The following MYH15 variants were observed in gnomAD, a reference collection of about 807,000 sequenced individuals.
MYH15 encodes myosin-15.
In MYH15, 227 loss-of-function variants were observed where a neutral mutation model predicts 240.5. The observed-to-expected ratio is 0.94, with a 90% confidence interval of 0.85 to 1.05. The LOEUF (loss-of-function observed/expected upper bound fraction) is 1.05, where lower values mean the gene tolerates loss of function less well. Ranked by LOEUF, MYH15 falls within the 50% of genes least tolerant of loss-of-function variation. MYH15 has a pLI of 0.00. For missense variants in MYH15, 2,217 were observed against 2,247.5 expected, an observed-to-expected ratio of 0.99 and a Z score of 0.27; for synonymous variants, 785 against 796.7, an observed-to-expected ratio of 0.99 and a Z score of 0.25.
chr3:108,434,652 T>A (rs1010828339), intron 25 of MYH15, among the ~76,000 whole-genome samples: 1 of 152,198 alleles, frequency 6.6e-6, no homozygotes. Flanking sequence ...TAGACATTCC[T>A]TAGTTTGAAT....
At position 108,444,650 on chromosome 3, in the gene MYH15, T is replaced by C. The variant is rs757020043; in HGVS notation, c.2645A>G (p.Gln882Arg). ...GGTGGGGCTACTCACAGCCTGAAGC[T>C]GAAGAATCAGGTCATTTTTTTCCTG... ...LTQEKNDLIL[Q>R]LQAEQETLAN... The change falls in exon 22 of 41, where the codon CAG becomes CGG. Residue 882 changes from glutamine to arginine, a missense_variant. Gln to Arg is a conservative substitution (Grantham distance 43, BLOSUM62 1). Transcript: ENST00000693548. The C allele has an allele frequency of 2.5e-6, 4 of 1,614,014 alleles. No individual in the cohort carries two copies. The Admixed American group carries it at 6.7e-5, about 27-fold the overall frequency.
intron 11 of MYH15, 24 bp downstream of exon 11, chr3:108,485,067 C>T: frequency 1.2e-6 from 2 of 1,611,680 alleles, no homozygotes; most frequent in East Asian, 2.2e-5. Context: ...GAAGTATATA[C>T]CATATCTTCA....
At chr3:108,506,383 G>A (rs969658067) in intron 1 of MYH15, among the ~76,000 whole-genome samples, 1 of 152,072 alleles carries the variant, frequency 6.6e-6, no homozygotes, top group Non-Finnish European at 1.5e-5. Flanking sequence ...CAACATAACC[G>A]GCTCATATTA....
intron 10 of MYH15, 91 bp from the exon 11 acceptor site, chr3:108,485,320 G>A: frequency 7.0e-7 from 1 of 1,432,690 alleles, no homozygotes; most frequent in South Asian, 1.3e-5. Flanking sequence ...TCGGGCTGTG[G>A]GCTGAGGGGA....
intron 22 of MYH15, among the ~76,000 whole-genome samples, chr3:108,441,607 T>C (rs1239042463): frequency 1.3e-5 from 2 of 152,210 alleles, no homozygotes; most frequent in Non-Finnish European, 2.9e-5. Context: ...AATATCCATG[T>C]AGGCACAGAG....
chr3:108,541,561 G>A, the MYH15 span, among the ~76,000 whole-genome samples: 2 of 152,056 alleles, frequency 1.3e-5, no homozygotes, highest in African/African-American at 4.8e-5. Flanking sequence ...TACATATATG[G>A]TAGCCATGAA....
chr3:108,434,124 ATTG>A (rs1447839122), intron 25 of MYH15, among the ~76,000 whole-genome samples: 8 of 16,096 alleles, frequency 5.0e-4, no homozygotes, highest in Non-Finnish European at 1.2e-3. Flanking sequence ...AATATTAAAT[ATTG>A]TTGTATTTAA....
At chr3:108,395,264 G>A (rs545028528) in intron 35 of MYH15, among the ~76,000 whole-genome samples, 10 of 152,216 alleles carry the variant, frequency 6.6e-5, no homozygotes, top group South Asian at 4.2e-4. Context: ...GTGAGACTCC[G>A]TCTCAAAAAA....
In MYH15 at chr3:108,498,151, A is replaced by T; in HGVS notation, c.525-6T>A. 1 of 1,613,430 alleles carries T rather than the reference A, an allele frequency of 6.2e-7. No individual in the cohort carries two copies. Among genetic ancestry groups the T allele is most frequent in the Non-Finnish European group, 8.5e-7 (1 of 1,179,418 alleles). On this transcript the variant is annotated splice_region_variant and splice_polypyrimidine_tract_variant and intron_variant, in intron 5 of 40. Transcript: ENST00000693548. ...TTCCAGCACCAGATTCTCCTCTGTGATTTGAAATTCAGTGATACAGTTAAC... is the reference window on the plus strand; with the variant it reads ...TTCCAGCACCAGATTCTCCTCTGTGTTTTGAAATTCAGTGATACAGTTAAC...
In MYH15 at chr3:108,428,819, T is replaced by C; in HGVS notation, c.3375A>G (p.Glu1125=). The C allele has an allele frequency of 6.2e-7, 1 of 1,614,028 alleles. No homozygotes were observed. Among genetic ancestry groups the C allele is most frequent in the Non-Finnish European group, 8.5e-7 (1 of 1,179,972 alleles). Reference sequence around the variant, plus strand: ...CTTGGGTGAGGTCAGCTCTCTCCCTTTCCATCTTGGCTCGAGTGGTCCTTT... The same window carrying C: ...CTTGGGTGAGGTCAGCTCTCTCCCTCTCCATCTTGGCTCGAGTGGTCCTTT... ...EAERTTRAKM[E]RERADLTQDL... The change falls in exon 27 of 41, where the codon GAA becomes GAG. Residue 1125 remains glutamate, a synonymous_variant. Coordinates refer to ENST00000693548, the MANE Select transcript of MYH15 (RefSeq NM_014981.3).
chr3:108,543,192 T>C, the MYH15 span, among the ~76,000 whole-genome samples: 10 of 152,184 alleles, frequency 6.6e-5, no homozygotes, highest in African/African-American at 2.4e-4. Context: ...CTCATTCCTT[T>C]TTATGGCTGA....
At chr3:108,493,539 T>A (rs1340399447) in intron 7 of MYH15, among the ~76,000 whole-genome samples, 1 of 152,210 alleles carries the variant, frequency 6.6e-6, no homozygotes, top group Non-Finnish European at 1.5e-5. Flanking sequence ...TTCCTCAGCA[T>A]ATTTGTTTAT....
chr3:108,484,474 T>TTTTTA (rs993281123), intron 11 of MYH15, among the ~76,000 whole-genome samples: 1 of 152,146 alleles, frequency 6.6e-6, no homozygotes, highest in Non-Finnish European at 1.5e-5. Context: ...TATTTTTGTA[T>TTTTTA]TTTTATTTTA....
intron 2 of MYH15, among the ~76,000 whole-genome samples, chr3:108,502,879 T>A (rs2083448700): frequency 6.6e-6 from 1 of 152,122 alleles, no homozygotes; most frequent in Admixed American, 6.6e-5. Flanking sequence ...CAAGGACTCA[T>A]CTCCCCTCAA....
intron 21 of MYH15, among the ~76,000 whole-genome samples, chr3:108,447,684 G>A (rs1194283121): frequency 6.6e-6 from 1 of 152,102 alleles, no homozygotes; most frequent in African/African-American, 2.4e-5. Context: ...AAAGCTGTGG[G>A]AGTTTATCGT....
At chr3:108,534,388 A>G in the MYH15 span, among the ~76,000 whole-genome samples, 4 of 152,214 alleles carry the variant, frequency 2.6e-5, no homozygotes, top group Admixed American at 6.5e-5. Flanking sequence ...CAAACCAATG[A>G]CATTTAAAGC....
intron 37 of MYH15, among the ~76,000 whole-genome samples, chr3:108,389,929 C>T (rs143168570): frequency 0.015 from 2,331 of 152,262 alleles, 31 homozygotes; most frequent in South Asian, 0.028. Flanking sequence ...GCACATCTGA[C>T]CCCACCTCTT....
In MYH15 at chr3:108,476,498, A is replaced by G. The variant is rs1270875839; in HGVS notation, c.1132T>C (p.Phe378Leu). The G allele has an allele frequency of 1.2e-6, 2 of 1,611,642 alleles. No individual in the cohort carries two copies. The highest frequency in any genetic ancestry group is 1.7e-5 in the Admixed American group (1 of 59,920). The change falls in exon 12 of 41, where the codon TTC becomes CTC. Residue 378 changes from phenylalanine (F) to leucine (L), a missense_variant. Phe to Leu is a conservative substitution (Grantham distance 22). Transcript: ENST00000693548. Reference protein sequence around the residue: ...DGTENADKAAFLMGINSSELV... With the variant: ...DGTENADKAALLMGINSSELV... ...TCAGAGGAGTTAATGCCCATGAGGA[A>G]AGCAGCTTTGTCAGCATCTGGTCAT...
At position 108,395,327 on chromosome 3, in the gene MYH15, T is replaced by C. The variant is rs374677285; in HGVS notation, c.5134-1171A>G. Among the ~76,000 whole-genome samples the C allele has an allele frequency of 1.2e-4, 18 of 152,314 alleles. No individual in the cohort carries two copies. In the South Asian group the frequency reaches 2.7e-3, roughly 23 times the overall value. On this transcript the variant is annotated intron_variant, in intron 35 of 40. Transcript: ENST00000693548. ...AGCATCACTGGTTCTATCTACCCCATTTCTCTATGGCATGAAGCATCTTTA... is the reference window on the plus strand; with the variant it reads ...AGCATCACTGGTTCTATCTACCCCACTTCTCTATGGCATGAAGCATCTTTA...
Sources: gnomAD v4.1 joint callset for allele counts (sites outside exome capture counted in the v4.1 genomes callset) on GRCh38, gnomAD v4.1.1 for gene constraint, MANE v1.5 for transcripts, NCBI Gene and HGNC (gene_info 2026-07-23, HGNC 2026-07-21) for gene names.